Variants in CSMD1 observed in about 807,000 individuals in gnomAD.
The protein encoded by CSMD1 is CUB and Sushi multiple domains 1.
A neutral mutation model predicts 417.5 loss-of-function variants in CSMD1; 213 were observed. That is an observed-to-expected ratio of 0.51 (90% CI 0.46 to 0.57). The LOEUF is 0.57. Ranked by LOEUF, CSMD1 falls within the 20% of genes least tolerant of loss-of-function variation. The pLI is 0.00. For missense variants in CSMD1, 6,923 were observed against 4,529.7 expected (o/e 1.53, Z -15.17); for synonymous variants, 2,862 against 1,736.8 (o/e 1.65, Z -16.11).
intron 7 of CSMD1, among the ~76,000 whole-genome samples, chr8:3,644,383 C>T (rs185963546): frequency 1.8e-4 from 27 of 152,128 alleles, no homozygotes; most frequent in Admixed American, 1.2e-3. Flanking sequence ...GCGAGTGAGA[C>T]CCTGGAGAAG....
chr8:4,248,767 G>C (rs1037227314), intron 3 of CSMD1, among the ~76,000 whole-genome samples: 26 of 151,964 alleles, frequency 1.7e-4, no homozygotes, highest in African/African-American at 6.3e-4. Flanking sequence ...TAAGCGCATG[G>C]TTTACTGTCA....
chr8:3,239,413 C>G (rs996703008), intron 26 of CSMD1, among the ~76,000 whole-genome samples: 1 of 152,124 alleles, frequency 6.6e-6, no homozygotes, highest in African/African-American at 2.4e-5. Flanking sequence ...CTATGGTGGC[C>G]TTCTTAGACC....
chr8:4,830,887 T>C (rs1214438801), intron 1 of CSMD1, among the ~76,000 whole-genome samples: 3 of 152,192 alleles, frequency 2.0e-5, no homozygotes, highest in African/African-American at 4.8e-5. Flanking sequence ...AGATGATTCC[T>C]CTAGAATAGA....
chr8:4,625,705 A>G (rs1219946044), intron 2 of CSMD1, among the ~76,000 whole-genome samples: 1 of 152,138 alleles, frequency 6.6e-6, no homozygotes, highest in East Asian at 1.9e-4. Flanking sequence ...TCGTATCCGT[A>G]ACATATTCAA....
chr8:4,439,141 G>A (rs963876375), intron 2 of CSMD1, among the ~76,000 whole-genome samples: 1 of 152,012 alleles, frequency 6.6e-6, no homozygotes, highest in African/African-American at 2.4e-5. Context: ...ATATCACCTT[G>A]TTACTGCTGT....
intron 1 of CSMD1, among the ~76,000 whole-genome samples, chr8:4,663,768 G>C (rs1279278778): frequency 6.6e-6 from 1 of 152,172 alleles, no homozygotes; most frequent in South Asian, 2.1e-4. Context: ...AGTAACGTGA[G>C]AATGGACTAA....
intron 1 of CSMD1, among the ~76,000 whole-genome samples, chr8:4,955,939 G>A (rs1809078896): frequency 6.6e-6 from 1 of 152,200 alleles, no homozygotes; most frequent in Non-Finnish European, 1.5e-5. Flanking sequence ...CGATTCAGAT[G>A]AATGGCTGAG....
chr8:3,780,965 C>A (rs1460378564), intron 5 of CSMD1, among the ~76,000 whole-genome samples: 1 of 152,154 alleles, frequency 6.6e-6, no homozygotes, highest in African/African-American at 2.4e-5. Context: ...AGATATCTGT[C>A]TTCATGATCT....
chr8:3,492,526 T>G (rs544210292), intron 11 of CSMD1, among the ~76,000 whole-genome samples: 50 of 152,172 alleles, frequency 3.3e-4, no homozygotes, highest in African/African-American at 1.2e-3. Context: ...ATCTGTGGAG[T>G]TGCAAAGGCA....
At chr8:4,433,406 G>C (rs921659065) in intron 2 of CSMD1, among the ~76,000 whole-genome samples, 25 of 152,024 alleles carry the variant, frequency 1.6e-4, no homozygotes, top group African/African-American at 5.1e-4. Flanking sequence ...TCTACTAAAA[G>C]AATCAACCTT....
intron 6 of CSMD1, among the ~76,000 whole-genome samples, chr8:3,732,182 G>C (rs955454257): frequency 2.6e-5 from 4 of 152,296 alleles, no homozygotes; most frequent in African/African-American, 9.6e-5. Context: ...TGGTTGCCTT[G>C]GGAACAGAGT....
intron 10 of CSMD1, among the ~76,000 whole-genome samples, chr8:3,570,979 G>A (rs567181084): frequency 6.6e-6 from 1 of 152,098 alleles, no homozygotes; most frequent in African/African-American, 2.4e-5. Flanking sequence ...CTTTCATATA[G>A]AATAAAAATA....
intron 1 of CSMD1, among the ~76,000 whole-genome samples, chr8:4,766,337 T>C (rs542784726): frequency 1.3e-5 from 2 of 152,302 alleles, no homozygotes; most frequent in East Asian, 3.9e-4. Flanking sequence ...TGTGGGGGCC[T>C]GGTGTAAGGT....
chr8:4,486,226 CATACATATATATATATAT>C (rs1563224152), intron 2 of CSMD1, among the ~76,000 whole-genome samples: 12 of 10,624 alleles, frequency 1.1e-3, no homozygotes, highest in Middle Eastern at 0.083. Context: ...TATATATATA[CATACATATATATATATAT>C]ACATACATAT....
chr8:4,007,870 TA>T (rs1240079538), intron 4 of CSMD1, among the ~76,000 whole-genome samples: 3 of 152,174 alleles, frequency 2.0e-5, no homozygotes, highest in Non-Finnish European at 2.9e-5. Flanking sequence ...TATTTAGTTA[TA>T]GAGATCTGTG....
chr8:3,797,314 T>C (rs1371874823), intron 5 of CSMD1, among the ~76,000 whole-genome samples: 3 of 151,966 alleles, frequency 2.0e-5, no homozygotes, highest in African/African-American at 4.8e-5. Context: ...GTCTTTGTTA[T>C]ATAATTCAAT....
At chr8:3,681,347 G>T (rs570835323) in intron 7 of CSMD1, among the ~76,000 whole-genome samples, 2 of 152,174 alleles carry the variant, frequency 1.3e-5, no homozygotes, top group Non-Finnish European at 2.9e-5. Flanking sequence ...AAAGTCTCAG[G>T]ATACAAAATC....
chr8:4,766,807 T>C (rs903255620), intron 1 of CSMD1, among the ~76,000 whole-genome samples: 13 of 152,196 alleles, frequency 8.5e-5, no homozygotes, highest in African/African-American at 3.1e-4. Flanking sequence ...ATATGTTACA[T>C]CAATGGACAT....
intron 3 of CSMD1, among the ~76,000 whole-genome samples, chr8:4,059,831 C>G (rs568140811): frequency 2.7e-5 from 4 of 149,808 alleles, no homozygotes; most frequent in South Asian, 2.1e-4. Flanking sequence ...AGTCCAGGAC[C>G]AGATGGATTC....
Sources: gnomAD v4.1 joint callset for allele counts (sites outside exome capture counted in the v4.1 genomes callset) on GRCh38, gnomAD v4.1.1 for gene constraint, MANE v1.5 for transcripts, NCBI Gene and HGNC (gene_info 2026-07-23, HGNC 2026-07-21) for gene names.